Variants in ZSWIM9 observed in about 807,000 individuals in gnomAD.
ZSWIM9 encodes the protein zinc finger SWIM-type containing 9.
Under a neutral mutation model 25.0 loss-of-function variants are expected in ZSWIM9, and 11 were observed. That is an observed-to-expected ratio of 0.44 (90% CI 0.28 to 0.73). The LOEUF is 0.73. ZSWIM9 is among the 30% of genes least tolerant of loss of function. ZSWIM9 has a pLI of 0.16. For missense variants in ZSWIM9, 1,070 were observed against 1,296.5 expected (o/e 0.83, Z 2.68); for synonymous variants, 562 against 582.1 (o/e 0.97, Z 0.50).
intron 2 of ZSWIM9, among the ~76,000 whole-genome samples, chr19:48,176,791 C>T (rs1271532095): frequency 2.0e-5 from 3 of 151,890 alleles, no homozygotes; most frequent in East Asian, 1.9e-4. Context: ...CAGCCGGGTG[C>T]GGTGGCTCAC....
intron 2 of ZSWIM9, among the ~76,000 whole-genome samples, chr19:48,178,701 G>A (rs888163774): frequency 6.6e-6 from 1 of 151,994 alleles, no homozygotes; most frequent in South Asian, 2.1e-4. Context: ...TCAGCCTCCT[G>A]AGTAGCTGGG....
At chr19:48,171,773 G>A in intron 1 of ZSWIM9, 21 bp from the exon 2 acceptor site, 3 of 1,518,864 alleles carry the variant, frequency 2.0e-6, no homozygotes, top group East Asian at 4.9e-5. Context: ...ATATCCACCT[G>A]TTCTCCCCTC....
At chr19:48,185,234 G>A (rs1303914307) in intron 3 of ZSWIM9, among the ~76,000 whole-genome samples, 1 of 151,782 alleles carries the variant, frequency 6.6e-6, no homozygotes, top group Non-Finnish European at 1.5e-5. Flanking sequence ...CCGCCTCCCG[G>A]GTTCAAACGA....
chr19:48,197,577 G>T lies in ZSWIM9; in HGVS notation c.*750G>T. 1 of 401,914 alleles carries T rather than the reference G, an allele frequency of 2.5e-6. No individual in the cohort carries two copies. The highest frequency in any genetic ancestry group is 4.5e-6 in the Non-Finnish European group (1 of 220,570). The allele number at this position is 401,914 out of a possible 1,614,324, so 24.9% of individuals were successfully genotyped here. On this transcript the variant is annotated 3_prime_UTR_variant, in exon 4 of 4. Coordinates refer to ENST00000614654, the MANE Select transcript of ZSWIM9 (RefSeq NM_199341.4). ...CTCCAGCAGGGGAGGGGAATTGTTT[G>T]GACTATTGTTCTTCAGGATTGGAAT...
intron 3 of ZSWIM9, among the ~76,000 whole-genome samples, chr19:48,183,275 G>A (rs181082794): frequency 8.3e-4 from 126 of 152,040 alleles, no homozygotes; most frequent in African/African-American, 2.0e-3. Context: ...ACTACAGGGC[G>A]TGCCACCACG....
chr19:48,180,217 T>C (rs975973849), intron 2 of ZSWIM9, among the ~76,000 whole-genome samples: 2 of 152,136 alleles, frequency 1.3e-5, no homozygotes, highest in Non-Finnish European at 2.9e-5. Flanking sequence ...CGTTTCTCCA[T>C]GTTGGTCAGG....
Position 48,197,226 on chromosome 19 carries a change from G to T in ZSWIM9, c.*399G>T. On this transcript the variant is annotated 3_prime_UTR_variant, in exon 4 of 4. Transcript: ENST00000614654. ...GCCAGTCTAGGGAGTGCAGCGGGGAGAGGGGAAAGGGAGAAAGTACAGAAG... is the reference window on the plus strand; with the variant it reads ...GCCAGTCTAGGGAGTGCAGCGGGGATAGGGGAAAGGGAGAAAGTACAGAAG... 1 of 702,440 alleles carries T rather than the reference G, an allele frequency of 1.4e-6. No homozygotes were observed. Among genetic ancestry groups the T allele is most frequent in the Non-Finnish European group, 2.6e-6 (1 of 384,810 alleles). 43.5% of individuals were successfully genotyped at this position (702,440 alleles called of 1,614,324 possible). A position where few individuals can be genotyped will look rare whatever the true frequency, so the allele number is the denominator to read the frequency against.
chr19:48,190,629 A>G (rs186735709), intron 3 of ZSWIM9: 4 of 154,956 alleles, frequency 2.6e-5, no homozygotes, highest in African/African-American at 9.6e-5. Flanking sequence ...GTGCAACGCT[A>G]CTAAGTGCCC....
Position 48,195,468 on chromosome 19 carries a change from G to A in ZSWIM9, c.1404G>A (p.Arg468=), listed in dbSNP as rs1029173803. Residue 468 remains arginine, a synonymous_variant, in exon 4 of 4, where the codon AGG becomes AGA. Transcript: ENST00000614654. This position sits in a 1 kb window ranked among gnomAD's most constrained non-coding sequence, Gnocchi z 5.8. ...GGGGAGCCCAGGGGGAGAACGAGAG[G>A]GTGAGGGGCCTGGAGACAGGCGACT... ...PGRGAQGENE[R]VRGLETGDWG... The A allele has an allele frequency of 7.7e-6, 11 of 1,423,868 alleles. No homozygotes were observed. The highest frequency in any genetic ancestry group is 2.7e-5 in the East Asian group (1 of 36,668). The allele number at this position is 1,423,868 out of a possible 1,614,324, so 88.2% of individuals were successfully genotyped here.
At chr19:48,188,724 G>A (rs1308050167) in intron 3 of ZSWIM9, among the ~76,000 whole-genome samples, 1 of 152,006 alleles carries the variant, frequency 6.6e-6, no homozygotes, top group Non-Finnish European at 1.5e-5. Flanking sequence ...TGATGCAAGT[G>A]TATCCCTTTT....
At chr19:48,187,488 ATATTATAATATATTATATTAT>A in intron 3 of ZSWIM9, among the ~76,000 whole-genome samples, 1 of 49,372 alleles carries the variant, frequency 2.0e-5, no homozygotes, top group Non-Finnish European at 3.6e-5. Flanking sequence ...ATTATATATT[ATATTATAATATATTATATTAT>A]ATTATATATA....
chr19:48,196,344 G>C lies in ZSWIM9; in HGVS notation c.2280G>C (p.Gly760=). ...GAGACGCAGGAGGGCGGTGTCTAGG[G>C]CTGGGGAATGGAGTCGTGTCTGGCA... ...EWGDAGGRCL[G]LGNGVVSGTP... is the part of the protein sequence containing the mutation. The change falls in exon 4 of 4, where the codon GGG becomes GGC. Residue 760 remains glycine (G), a synonymous_variant. Coordinates refer to ENST00000614654, the MANE Select transcript of ZSWIM9 (RefSeq NM_199341.4). 4.9e-6 allele frequency: 6 copies of C among 1,233,030 alleles called. No individual in the cohort carries two copies. The highest frequency in any genetic ancestry group is 6.1e-6 in the Non-Finnish European group (6 of 988,632). The allele number at this position is 1,233,030 out of a possible 1,614,324, so 76.4% of individuals were successfully genotyped here.
chr19:48,196,328 G>A lies in ZSWIM9; in HGVS notation c.2264G>A (p.Gly755Glu), dbSNP rs1014767897. Residue 755 changes from glycine to glutamate, a missense_variant, in exon 4 of 4, where the codon GGA becomes GAA. This residue lies in a region of ZSWIM9 where 583 missense variants were observed against 624.7 expected (regional missense o/e 0.93). Coordinates refer to ENST00000614654, the MANE Select transcript of ZSWIM9 (RefSeq NM_199341.4). ...AGRGMEWGDA[G>E]GRCLGLGNGV... Reference sequence around the variant, plus strand: ...CGAGGGATGGAGTGGGGAGACGCAGGAGGGCGGTGTCTAGGGCTGGGGAAT... The same window carrying A: ...CGAGGGATGGAGTGGGGAGACGCAGAAGGGCGGTGTCTAGGGCTGGGGAAT... The A allele has an allele frequency of 8.1e-6, 10 of 1,233,378 alleles. No homozygotes were observed. The Admixed American group carries it at 1.3e-4, about 16-fold the overall frequency. The allele number at this position is 1,233,378 out of a possible 1,614,324, so 76.4% of individuals were successfully genotyped here.
chr19:48,190,876 G>A (rs2037085487), intron 3 of ZSWIM9, among the ~76,000 whole-genome samples: 1 of 152,316 alleles, frequency 6.6e-6, no homozygotes, highest in East Asian at 1.9e-4. Context: ...GGGTGTTATA[G>A]TAACAGCTGG....
intron 2 of ZSWIM9, among the ~76,000 whole-genome samples, chr19:48,177,085 T>TA (rs111338772): frequency 8.0e-5 from 12 of 150,026 alleles, no homozygotes; most frequent in South Asian, 4.2e-4. Context: ...AAATAAAAAT[T>TA]AAAAAAAAAT....
At position 48,196,058 on chromosome 19, in the gene ZSWIM9, G is replaced by A. The variant is rs890611866; in HGVS notation, c.1994G>A (p.Gly665Glu). ...GGGCTGGAGGTCAGAAACTTGAGGG[G>A]GATCCCCTTGGAGAAGTCCCTGGAG... The part of the protein sequence containing the change: ...GRGLEVRNLR[G>E]IPLEKSLELA... Residue 665 changes from glycine (G) to glutamate (E), a missense_variant, in exon 4 of 4, where the codon GGG (glycine) becomes GAG (glutamate). Gly to Glu is a moderately conservative substitution (Grantham distance 98, BLOSUM62 -2). Coordinates refer to ENST00000614654, the MANE Select transcript of ZSWIM9 (RefSeq NM_199341.4). 2 of 1,260,988 alleles carry A rather than the reference G, an allele frequency of 1.6e-6. No homozygotes were observed. The highest frequency in any genetic ancestry group is 2.0e-6 in the Non-Finnish European group (2 of 1,005,642). The allele number at this position is 1,260,988 out of a possible 1,614,324, so 78.1% of individuals were successfully genotyped here.
Position 48,194,426 on chromosome 19 carries a change from C to T in ZSWIM9, c.589-227C>T, listed in dbSNP as rs2037132716. Among the ~76,000 whole-genome samples the T allele has an allele frequency of 6.6e-6, 1 of 152,174 alleles. No individual in the cohort carries two copies. The highest frequency in any genetic ancestry group is 1.5e-5 in the Non-Finnish European group (1 of 68,020). On this transcript the variant is annotated intron_variant, in intron 3 of 3. Coordinates refer to ENST00000614654, the MANE Select transcript of ZSWIM9 (RefSeq NM_199341.4). The surrounding 1 kb of genome is among the most constrained non-coding windows in gnomAD (Gnocchi z 6.0). ...TGTCATGTGGAAAAAATCACATAGC[C>T]GTTAGACTGTGGTACCTGGATCTCA...
At chr19:48,173,949 G>T (rs2123177620) in intron 2 of ZSWIM9, among the ~76,000 whole-genome samples, 1 of 152,256 alleles carries the variant, frequency 6.6e-6, no homozygotes, top group East Asian at 1.9e-4. Flanking sequence ...TTAAACAGGG[G>T]TTGTTCCCCA....
chr19:48,194,628 C>G lies in ZSWIM9; in HGVS notation c.589-25C>G. 5 of 1,410,886 alleles carry G rather than the reference C, an allele frequency of 3.5e-6. No individual in the cohort carries two copies. The highest frequency in any genetic ancestry group is 4.6e-6 in the Non-Finnish European group (5 of 1,079,286). The allele number at this position is 1,410,886 out of a possible 1,614,324, so 87.4% of individuals were successfully genotyped here. ...ACCCCAGCATCCTCTGACCTCTTTC[C>G]TTGCCTCCCTGCCCCCGCCCGCAGG... On this transcript the variant is annotated intron_variant, in intron 3 of 3. Coordinates refer to ENST00000614654, the MANE Select transcript of ZSWIM9 (RefSeq NM_199341.4). The surrounding 1 kb of genome is among the most constrained non-coding windows in gnomAD (Gnocchi z 6.0).
Sources: allele counts gnomAD v4.1 joint callset (sites outside exome capture counted in the v4.1 genomes callset), GRCh38; gene constraint gnomAD v4.1.1; regional missense constraint gnomAD v4.1.1; non-coding constraint Gnocchi (gnomAD v3.1); transcripts MANE v1.5; gene names NCBI Gene and HGNC (gene_info 2026-07-23, HGNC 2026-07-21).